The following SLC22A15 variants were observed in gnomAD, a reference collection of about 807,000 sequenced individuals.
SLC22A15 encodes the protein flipt 1.
Under a neutral mutation model 62.7 loss-of-function variants are expected in SLC22A15, and 45 were observed. The observed-to-expected ratio is 0.72, with a 90% CI of 0.56 to 0.92. The LOEUF (loss-of-function observed/expected upper bound fraction) is 0.92. SLC22A15 is among the 40% of genes least tolerant of loss of function. The pLI is 0.00. For synonymous variants in SLC22A15, 264 were observed against 267.0 expected (o/e 0.99, Z 0.11); for missense variants, 622 against 665.6 (o/e 0.93, Z 0.72).
At chr1:116,026,817 G>A in intron 4 of SLC22A15, 76 bp from the exon 5 acceptor site, 1 of 1,568,032 alleles carries the variant, frequency 6.4e-7, no homozygotes, top group Non-Finnish European at 8.7e-7. Context: ...GAAGAAATTG[G>A]CTCTGTAACT....
chr1:116,045,566 C>T (rs1657909652), intron 8 of SLC22A15, among the ~76,000 whole-genome samples: 2 of 151,074 alleles, frequency 1.3e-5, no homozygotes, highest in South Asian at 2.1e-4. Flanking sequence ...TGGTGAAACC[C>T]CGTCTCTACT....
At chr1:116,036,679 C>G (rs141408776) in intron 7 of SLC22A15, among the ~76,000 whole-genome samples, 21 of 152,134 alleles carry the variant, frequency 1.4e-4, no homozygotes, top group Non-Finnish European at 2.4e-4. Flanking sequence ...TGTTGTAAGC[C>G]CCTAGAAAAG....
chr1:115,983,451 T>A (rs536055551), intron 1 of SLC22A15, among the ~76,000 whole-genome samples: 1 of 151,692 alleles, frequency 6.6e-6, no homozygotes, highest in South Asian at 2.1e-4. Context: ...CACGCGCACA[T>A]GTGTGTGTAT....
chr1:116,007,605 A>G (rs975128454), intron 2 of SLC22A15, among the ~76,000 whole-genome samples: 2 of 152,216 alleles, frequency 1.3e-5, no homozygotes, highest in Non-Finnish European at 2.9e-5. Flanking sequence ...GAGAGGGAAG[A>G]GGCAGCTAAC....
intron 2 of SLC22A15, among the ~76,000 whole-genome samples, chr1:116,005,980 C>G (rs759555678): frequency 6.6e-6 from 1 of 152,136 alleles, no homozygotes; most frequent in South Asian, 2.1e-4. Context: ...TCTGACAACC[C>G]CTTATAGTAG....
At chr1:116,053,309 G>A (rs1300378285) in intron 8 of SLC22A15, among the ~76,000 whole-genome samples, 3 of 152,124 alleles carry the variant, frequency 2.0e-5, no homozygotes, top group Non-Finnish European at 4.4e-5. Flanking sequence ...TATCAGTGAT[G>A]GAAGATGAAA....
intron 2 of SLC22A15, among the ~76,000 whole-genome samples, chr1:115,998,257 G>GT (rs1655523417): frequency 6.6e-6 from 1 of 151,862 alleles, no homozygotes; most frequent in Admixed American, 6.6e-5. Flanking sequence ...TTTTTGGTGT[G>GT]TCTTTGTCTG....
chr1:116,022,740 A>C (rs1656902214), intron 4 of SLC22A15, among the ~76,000 whole-genome samples: 2 of 152,184 alleles, frequency 1.3e-5, no homozygotes, highest in Non-Finnish European at 2.9e-5. Flanking sequence ...GAGACTATCA[A>C]AATTTCTGTA....
intron 6 of SLC22A15, 23 bp downstream of exon 6, chr1:116,031,604 T>C (rs1657400945): frequency 1.9e-6 from 3 of 1,610,806 alleles, no homozygotes; most frequent in Admixed American, 1.7e-5. Context: ...AGGCGTGTTC[T>C]GTTGCTCTTT....
At chr1:116,057,248 A>G (rs1287085806) in intron 8 of SLC22A15, among the ~76,000 whole-genome samples, 136 of 152,162 alleles carry the variant, frequency 8.9e-4, no homozygotes, top group African/African-American at 3.3e-3. Flanking sequence ...TGGGCAAAGG[A>G]TATGAACAGA....
intron 2 of SLC22A15, among the ~76,000 whole-genome samples, chr1:116,003,269 A>T (rs892306393): frequency 2.6e-5 from 4 of 152,006 alleles, no homozygotes; most frequent in Non-Finnish European, 5.9e-5. Flanking sequence ...CTTTTCCTGG[A>T]GCTGTGAGCT....
rs1285321865 is a variant in SLC22A15, at chr1:116,032,442, A to G, written c.944+861A>G. 7.1e-6 allele frequency: 7 copies of G among 985,328 alleles called. No individual in the cohort carries two copies. In the East Asian group the frequency reaches 7.9e-4, roughly 112 times the overall value. The allele number at this position is 985,328 out of a possible 1,614,324, so 61.0% of individuals were successfully genotyped here. A position where few individuals can be genotyped will look rare whatever the true frequency, so the allele number is the denominator to read the frequency against. On this transcript the variant is annotated intron_variant, in intron 6 of 11. Transcript: ENST00000369503. ...TATATGTATTTGCCATGAAGCCTGC[A>G]TGGAGCCCTACATTTCATGCAGGGA...
At chr1:116,011,826 TGA>T (rs1656275387) in intron 2 of SLC22A15, among the ~76,000 whole-genome samples, 1 of 152,096 alleles carries the variant, frequency 6.6e-6, no homozygotes, top group South Asian at 2.1e-4. Context: ...CAGTGCATAC[TGA>T]GAGTGGTCTT....
intron 1 of SLC22A15, among the ~76,000 whole-genome samples, chr1:115,979,830 C>A (rs186037656): frequency 6.6e-6 from 1 of 152,170 alleles, no homozygotes; most frequent in East Asian, 1.9e-4. Context: ...AATCATGAAT[C>A]GTACATTATA....
intron 2 of SLC22A15, among the ~76,000 whole-genome samples, chr1:116,007,527 C>A (rs1308315043): frequency 6.6e-6 from 1 of 152,166 alleles, no homozygotes; most frequent in East Asian, 1.9e-4. Context: ...GTGACAAGAT[C>A]ATTCCATACT....
intron 1 of SLC22A15, among the ~76,000 whole-genome samples, chr1:115,990,289 C>T (rs6704273): frequency 0.019 from 2,943 of 152,282 alleles, 94 homozygotes; most frequent in African/African-American, 0.067. Context: ...GAAAACATGA[C>T]GAGTTTGCTT....
chr1:116,063,018 G>C, intron 9 of SLC22A15, 136 bp downstream of exon 9: 1 of 1,149,034 alleles, frequency 8.7e-7, no homozygotes, highest in East Asian at 2.5e-5. Flanking sequence ...AAGCAGTTTA[G>C]GGTGAGAGCT....
intron 8 of SLC22A15, among the ~76,000 whole-genome samples, chr1:116,040,563 C>T (rs1014780295): frequency 6.6e-6 from 1 of 152,196 alleles, no homozygotes; most frequent in East Asian, 1.9e-4. Flanking sequence ...CTTTCCAACT[C>T]TAAAGTCAGT....
intron 1 of SLC22A15, among the ~76,000 whole-genome samples, chr1:115,988,687 A>ATT (rs33995476): frequency 2.8e-5 from 4 of 140,496 alleles, no homozygotes; most frequent in Non-Finnish European, 3.1e-5. Context: ...TGCCCAGCTA[A>ATT]TTTTTTTTTT....
Sources: gnomAD v4.1 joint callset for allele counts (sites outside exome capture counted in the v4.1 genomes callset) on GRCh38, gnomAD v4.1.1 for gene constraint, MANE v1.5 for transcripts, NCBI Gene and HGNC (gene_info 2026-07-23, HGNC 2026-07-21) for gene names.